FAT3: variants seen among roughly 807,000 people sequenced by gnomAD.
The protein encoded by FAT3 is protocadherin Fat 3.
A neutral mutation model predicts 310.2 loss-of-function variants in FAT3; 95 were observed. The observed-to-expected ratio is 0.31, with a 90% CI of 0.26 to 0.36. The LOEUF is 0.36. Among genes scored for constraint, FAT3 ranks in the 10% least tolerant of loss-of-function variants. The pLI is 1.00. For missense variants in FAT3, 5,408 were observed against 5,715.6 expected, an observed-to-expected ratio of 0.95 and a Z score of 1.74; for synonymous variants, 2,314 against 2,192.9, an observed-to-expected ratio of 1.06 and a Z score of -1.54.
intron 2 of FAT3, among the ~76,000 whole-genome samples, chr11:92,505,900 G>A (rs1953084649): frequency 6.6e-6 from 1 of 152,114 alleles, no homozygotes; most frequent in Non-Finnish European, 1.5e-5. Flanking sequence ...TCCATGTTGA[G>A]TAAGACAGGA....
intron 1 of FAT3, among the ~76,000 whole-genome samples, chr11:92,333,703 G>C (rs1379245380): frequency 1.3e-5 from 2 of 151,524 alleles, no homozygotes; most frequent in African/African-American, 4.9e-5. Flanking sequence ...CTCTACTTCT[G>C]CCTCATAAAT....
At chr11:92,456,281 C>A (rs2135088709) in intron 2 of FAT3, among the ~76,000 whole-genome samples, 1 of 152,224 alleles carries the variant, frequency 6.6e-6, no homozygotes, top group African/African-American at 2.4e-5. Context: ...GAGCAATTAG[C>A]TATTGTTTAT....
Position 92,831,898 on chromosome 11 carries a change from C to T in FAT3, c.9758C>T (p.Thr3253Ile). 6.2e-7 allele frequency: 1 copy of T among 1,612,130 alleles called. No homozygotes were observed. Residue 3253 changes from threonine (T) to isoleucine (I), a missense_variant, in exon 14 of 28, where the codon ACC (threonine) becomes ATC (isoleucine). Physicochemically the swap from Thr to Ile is moderately conservative, Grantham distance 89. Coordinates refer to ENST00000525166, the MANE Select transcript of FAT3 (RefSeq NM_001367949.2). ...VTVPEDTSPGTQVLAVFATSK... is the reference protein window; with the variant it reads ...VTVPEDTSPGIQVLAVFATSK... ...GTGCCTGAGGACACCTCCCCTGGCA[C>T]CCAAGTCCTTGCTGTTTTTGCCACC...
At chr11:92,682,493 C>T (rs924786885) in intron 3 of FAT3, among the ~76,000 whole-genome samples, 2 of 152,192 alleles carry the variant, frequency 1.3e-5, no homozygotes, top group Non-Finnish European at 2.9e-5. Context: ...ACTTTCCTCA[C>T]CTGCAAAACA....
At chr11:92,818,504 G>A (rs1021134973) in intron 13 of FAT3, among the ~76,000 whole-genome samples, 2 of 133,962 alleles carry the variant, frequency 1.5e-5, no homozygotes, top group East Asian at 2.0e-4. Flanking sequence ...CAGCTTCCTC[G>A]CAGCCTCATC....
chr11:92,324,755 A>G (rs941883686), intron 1 of FAT3, among the ~76,000 whole-genome samples: 1 of 152,224 alleles, frequency 6.6e-6, no homozygotes, highest in African/African-American at 2.4e-5. Context: ...TAAAAACATA[A>G]TCTGCAGTGT....
At chr11:92,463,941 A>G (rs943495795) in intron 2 of FAT3, among the ~76,000 whole-genome samples, 2 of 152,174 alleles carry the variant, frequency 1.3e-5, no homozygotes, top group Non-Finnish European at 2.9e-5. Flanking sequence ...TTTGTGATGA[A>G]ACCACGTGAA....
At chr11:92,276,686 A>T (rs1946282770) in intron 1 of FAT3, among the ~76,000 whole-genome samples, 1 of 152,124 alleles carries the variant, frequency 6.6e-6, no homozygotes, top group African/African-American at 2.4e-5. Context: ...TGGGGAGTCA[A>T]GCTCAGTTAG....
intron 4 of FAT3, among the ~76,000 whole-genome samples, chr11:92,741,053 T>A (rs538778209): frequency 1.6e-4 from 24 of 149,274 alleles, no homozygotes; most frequent in East Asian, 5.8e-4. Flanking sequence ...ATATATATAT[T>A]TTTTTGAGAC....
chr11:92,559,685 G>C (rs1260876515), intron 3 of FAT3: 1 of 155,908 alleles, frequency 6.4e-6, no homozygotes, highest in East Asian at 1.9e-4. Flanking sequence ...CCTTATGCTG[G>C]ACATTTCATA....
chr11:92,735,510 G>A (rs1194018890), intron 4 of FAT3, among the ~76,000 whole-genome samples: 1 of 151,866 alleles, frequency 6.6e-6, no homozygotes, highest in East Asian at 1.9e-4. Flanking sequence ...TAAGCTGATG[G>A]ACACAAACTA....
intron 2 of FAT3, among the ~76,000 whole-genome samples, chr11:92,477,329 G>C (rs533712258): frequency 2.0e-5 from 3 of 152,264 alleles, no homozygotes; most frequent in Non-Finnish European, 4.4e-5. Flanking sequence ...GTGGCAAACA[G>C]GGCATTTTAA....
chr11:92,714,327 A>C (rs2135955647), intron 4 of FAT3, among the ~76,000 whole-genome samples: 1 of 152,234 alleles, frequency 6.6e-6, no homozygotes, highest in East Asian at 1.9e-4. Context: ...GACCCATGTA[A>C]GATAATCCTC....
At chr11:92,458,732 A>G (rs1565332749) in intron 2 of FAT3, among the ~76,000 whole-genome samples, 1 of 152,166 alleles carries the variant, frequency 6.6e-6, no homozygotes, top group African/African-American at 2.4e-5. Context: ...CCTGTAATAT[A>G]CTATAGAGAA....
intron 2 of FAT3, among the ~76,000 whole-genome samples, chr11:92,516,057 G>T (rs764157820): frequency 6.6e-6 from 1 of 151,978 alleles, no homozygotes; most frequent in South Asian, 2.1e-4. Flanking sequence ...TCTACCAAAG[G>T]TACAAAGAGA....
At chr11:92,515,969 C>G (rs975693225) in intron 2 of FAT3, among the ~76,000 whole-genome samples, 6 of 152,004 alleles carry the variant, frequency 3.9e-5, no homozygotes, top group Non-Finnish European at 7.4e-5. Flanking sequence ...AGACAAATAA[C>G]AAGTTCTGAA....
Position 92,789,953 on chromosome 11 carries a change from A to G in FAT3, c.4346A>G (p.Lys1449Arg). The G allele has an allele frequency of 6.2e-7, 1 of 1,613,398 alleles. No individual in the cohort carries two copies. The highest frequency in any genetic ancestry group is 1.1e-5 in the South Asian group (1 of 91,060). ...TNVAVTQVFI[K>R]VLDNNDNGPE... ...TTCTTTTAACTACAGGTATTTATCA[A>G]AGTGCTGGATAATAATGATAATGGC... Residue 1449 changes from lysine (K) to arginine (R), a missense_variant, in exon 8 of 28, where the codon AAA becomes AGA. By Grantham distance (26) the Lys-to-Arg change is conservative. This residue lies in a region of FAT3 where 4,588 missense variants were observed against 4,809.8 expected (regional missense o/e 0.95). Coordinates refer to ENST00000525166, the MANE Select transcript of FAT3 (RefSeq NM_001367949.2).
intron 4 of FAT3, among the ~76,000 whole-genome samples, chr11:92,737,863 T>C (rs1414333982): frequency 6.6e-6 from 1 of 152,084 alleles, no homozygotes; most frequent in African/African-American, 2.4e-5. Flanking sequence ...AGAAACCTCA[T>C]TCCTCCTCCC....
intron 1 of FAT3, among the ~76,000 whole-genome samples, chr11:92,286,462 G>A (rs1419851117): frequency 6.6e-6 from 1 of 152,140 alleles, no homozygotes; most frequent in African/African-American, 2.4e-5. Flanking sequence ...TGTTCATTCA[G>A]TTCTCTATGT....
Sources: gnomAD v4.1 joint callset for allele counts (sites outside exome capture counted in the v4.1 genomes callset) on GRCh38, gnomAD v4.1.1 for gene constraint, gnomAD v4.1.1 regional missense constraint, MANE v1.5 for transcripts, NCBI Gene and HGNC (gene_info 2026-07-23, HGNC 2026-07-21) for gene names.